Variants in PRKAR1A observed in about 807,000 individuals in gnomAD.
PRKAR1A encodes the protein cAMP-dependent protein kinase type I-alpha regulatory subunit.
PRKAR1A carries 3 observed loss-of-function variants against 52.0 expected under a neutral mutation model. That is an observed-to-expected ratio of 0.06 (90% CI 0.03 to 0.15). The LOEUF is 0.15. PRKAR1A is among the 10% of genes least tolerant of loss of function. PRKAR1A has a pLI of 1.00. For synonymous variants in PRKAR1A, 188 were observed against 168.4 expected, an observed-to-expected ratio of 1.12 and a Z score of -0.90; for missense variants, 240 against 477.4, an observed-to-expected ratio of 0.50 and a Z score of 4.63.
chr17:68,524,809 C>A, intron 5 of PRKAR1A, 103 bp from the exon 6 acceptor site: 1 of 883,770 alleles, frequency 1.1e-6, no homozygotes, highest in Admixed American at 1.7e-5. Flanking sequence ...TTGTAACACA[C>A]TCTCACAGTA....
At chr17:68,434,650 T>C in the PRKAR1A span, 5 of 1,613,076 alleles carry the variant, frequency 3.1e-6, no homozygotes, top group African/African-American at 4.0e-5. Context: ...CAGGTGGACA[T>C]TTCATAACCA....
chr17:68,476,697 AGT>A, the PRKAR1A span, among the ~76,000 whole-genome samples: 2 of 148,792 alleles, frequency 1.3e-5, no homozygotes, highest in Admixed American at 6.8e-5. Flanking sequence ...TCTTAGATGG[AGT>A]CTCGCTCTGT....
At chr17:68,530,101 T>C in intron 10 of PRKAR1A, 100 bp downstream of exon 10, 3 of 1,502,618 alleles carry the variant, frequency 2.0e-6, no homozygotes, top group Non-Finnish European at 2.8e-6. Context: ...CTGAATTTTA[T>C]TTTCTAACTG....
the PRKAR1A span, among the ~76,000 whole-genome samples, chr17:68,497,192 ATTTAC>A: frequency 6.6e-6 from 1 of 152,104 alleles, no homozygotes; most frequent in African/African-American, 2.4e-5. Flanking sequence ...ATTAGATGAA[ATTTAC>A]TTTAAAGTGT....
chr17:68,457,646 C>T, the PRKAR1A span: 1 of 316,006 alleles, frequency 3.2e-6, no homozygotes, highest in Admixed American at 5.3e-5. Flanking sequence ...CAGCTGGTCC[C>T]GAGGACCAGA....
At chr17:68,529,063 T>C in intron 9 of PRKAR1A, 72 bp downstream of exon 9, 1 of 1,583,646 alleles carries the variant, frequency 6.3e-7, no homozygotes. Flanking sequence ...TAAAAAGTTG[T>C]ACGCTCTAAG....
chr17:68,542,691 T>C (rs1251930242), intron 11 of PRKAR1A: 1 of 1,609,900 alleles, frequency 6.2e-7, no homozygotes. Flanking sequence ...GCCAGTACTC[T>C]ACCTGGAGAG....
At chr17:68,478,020 G>A in the PRKAR1A span, among the ~76,000 whole-genome samples, 1 of 152,186 alleles carries the variant, frequency 6.6e-6, no homozygotes. Context: ...GCTGTGCCTG[G>A]CCTGGATTAT....
the PRKAR1A span, among the ~76,000 whole-genome samples, chr17:68,498,929 C>T: frequency 1.6e-4 from 25 of 152,322 alleles, no homozygotes; most frequent in East Asian, 1.3e-3. Context: ...TGCTTAGGGT[C>T]CTCGTTCACA....
the PRKAR1A span, among the ~76,000 whole-genome samples, chr17:68,506,403 AC>A: frequency 2.1e-5 from 3 of 144,328 alleles, no homozygotes; most frequent in Admixed American, 6.9e-5. Context: ...CTTTCAATGT[AC>A]CCCCCCAATC....
chr17:68,540,740 G>A, intron 11 of PRKAR1A: 1 of 1,355,710 alleles, frequency 7.4e-7, no homozygotes, highest in Non-Finnish European at 1.0e-6. Flanking sequence ...GAGGTGCAGA[G>A]TTACTCAGTC....
At chr17:68,487,940 T>TA in the PRKAR1A span, among the ~76,000 whole-genome samples, 1 of 150,558 alleles carries the variant, frequency 6.6e-6, no homozygotes, top group African/African-American at 2.5e-5. Flanking sequence ...AACTCAAAAA[T>TA]AAATAAAAAA....
the PRKAR1A span, chr17:68,450,683 C>A: frequency 6.4e-7 from 1 of 1,557,716 alleles, no homozygotes; most frequent in Non-Finnish European, 8.7e-7. Context: ...TTGTTTGGCT[C>A]CCGTTAGCAG....
Position 68,528,860 on chromosome 17 carries a change from T to C in PRKAR1A, c.770-10T>C, listed in dbSNP as rs2085875890. The C allele has an allele frequency of 6.2e-7, 1 of 1,613,622 alleles. No homozygotes were observed. Among genetic ancestry groups the C allele is most frequent in the Admixed American group, 1.7e-5 (1 of 60,008 alleles). ...AATACAGAGCAGTTATTTTGATTCT[T>C]GTCTTTCAGAGTCTCTGGACAAGTG... On this transcript the variant is annotated splice_polypyrimidine_tract_variant and intron_variant, in intron 8 of 10. Transcript: ENST00000589228.
chr17:68,439,990 C>T, the PRKAR1A span, among the ~76,000 whole-genome samples: 1 of 152,166 alleles, frequency 6.6e-6, no homozygotes, highest in African/African-American at 2.4e-5. Context: ...CATAAATATT[C>T]CCAGAAGGGA....
At chr17:68,546,505 G>A (rs901465664) in intron 11 of PRKAR1A, among the ~76,000 whole-genome samples, 11 of 152,000 alleles carry the variant, frequency 7.2e-5, no homozygotes, top group Non-Finnish European at 2.9e-5. Flanking sequence ...ACTAACTGTG[G>A]CAGCTATAGC....
At chr17:68,463,552 A>G in the PRKAR1A span, among the ~76,000 whole-genome samples, 16 of 152,340 alleles carry the variant, frequency 1.1e-4, no homozygotes, top group African/African-American at 3.4e-4. Flanking sequence ...TGAGATGTAT[A>G]GTATCTTAGA....
chr17:68,466,014 G>A, the PRKAR1A span, among the ~76,000 whole-genome samples: 1 of 152,110 alleles, frequency 6.6e-6, no homozygotes, highest in Admixed American at 6.5e-5. Flanking sequence ...AACTGGGAGA[G>A]GCAGGTCAGC....
chr17:68,512,480 G>A lies in PRKAR1A; in HGVS notation c.-75G>A, dbSNP rs559757120. On this transcript the variant is annotated 5_prime_UTR_variant, in exon 1 of 11. Transcript: ENST00000589228. ...AGAGTGGAGCGGGGCTGGGAGCAAA[G>A]CGCTGAGGGAGCTCGGTACGCCGCC... is the stretch of plus-strand genomic sequence containing the variant. The A allele has an allele frequency of 1.9e-5, 3 of 153,864 alleles. No homozygotes were observed. The highest frequency in any genetic ancestry group is 4.4e-5 in the Non-Finnish European group (3 of 68,774). The allele number at this position is 153,864 out of a possible 1,614,324, so 9.5% of individuals were successfully genotyped here.
Sources: allele counts gnomAD v4.1 joint callset (sites outside exome capture counted in the v4.1 genomes callset), GRCh38; gene constraint gnomAD v4.1.1; transcripts MANE v1.5; gene names NCBI Gene and HGNC (gene_info 2026-07-23, HGNC 2026-07-21).